Variants in CTNS observed in about 807,000 individuals in gnomAD.
The protein encoded by CTNS is cystinosin.
In CTNS, 27 loss-of-function variants were observed where a neutral mutation model predicts 43.7. The ratio of observed to expected loss-of-function variants is 0.62; its 90% confidence interval spans 0.46 to 0.85. The LOEUF (loss-of-function observed/expected upper bound fraction) is 0.85. Among genes scored for constraint, CTNS ranks in the 40% least tolerant of loss-of-function variants. The probability of loss-of-function intolerance (pLI) is 0.00; values close to 1 mark genes in which losing one functional copy is unlikely to be tolerated. For synonymous variants in CTNS, 187 were observed against 190.6 expected, an observed-to-expected ratio of 0.98 and a Z score of 0.16; for missense variants, 457 against 475.4, an observed-to-expected ratio of 0.96 and a Z score of 0.36.
chr17:3,650,510 T>C (rs950755799), intron 5 of CTNS: 4 of 725,706 alleles, frequency 5.5e-6, no homozygotes, highest in Non-Finnish European at 8.3e-6. Context: ...AATAAAATGT[T>C]TAAAAATAAC....
At chr17:3,647,983 C>T (rs2150905473) in intron 4 of CTNS, among the ~76,000 whole-genome samples, 1 of 152,334 alleles carries the variant, frequency 6.6e-6, no homozygotes, top group East Asian at 1.9e-4. Flanking sequence ...GGGAGTCTCA[C>T]TTGCTGCCAC....
In CTNS at chr17:3,658,323, C is replaced by T. The variant is rs558005365; in HGVS notation, c.852+148C>T. The stretch of plus-strand genomic sequence containing the variant: ...GCCCGGGAGCCCAGCGGGAGCGGGG[C>T]GGTGGGGAGGCCAGCCTGCCGCTCT... On this transcript the variant is annotated intron_variant, in intron 10 of 11. Coordinates refer to ENST00000046640, the MANE Select transcript of CTNS (RefSeq NM_004937.3). 3.1e-5 allele frequency: 34 copies of T among 1,107,436 alleles called. No homozygotes were observed. In the African/African-American group the frequency reaches 3.7e-4, roughly 12 times the overall value. 68.6% of individuals were successfully genotyped at this position (1,107,436 alleles called of 1,614,324 possible). A position where few individuals can be genotyped will look rare whatever the true frequency, so the allele number is the denominator to read the frequency against.
intron 3 of CTNS, among the ~76,000 whole-genome samples, chr17:3,641,896 C>T (rs2150893413): frequency 6.6e-6 from 1 of 152,264 alleles, no homozygotes; most frequent in East Asian, 1.9e-4. Context: ...CCGGGAAAGG[C>T]AGGTCTTTCA....
upstream of CTNS, chr17:3,636,556 C>CA: frequency 1.1e-5 from 3 of 281,120 alleles, no homozygotes; most frequent in Non-Finnish European, 6.7e-6. Context: ...GTGTCCCTGG[C>CA]AGCGGACCTC....
chr17:3,658,291 A>G lies in CTNS; in HGVS notation c.852+116A>G, dbSNP rs568755986. Reference sequence around the variant, plus strand: ...GCGTGAGGAAACAGGACGGAAAGCCACAGGGAGCCCGGGAGCCCAGCGGGA... The same window carrying G: ...GCGTGAGGAAACAGGACGGAAAGCCGCAGGGAGCCCGGGAGCCCAGCGGGA... On this transcript the variant is annotated intron_variant, in intron 10 of 11. Coordinates refer to ENST00000046640, the MANE Select transcript of CTNS (RefSeq NM_004937.3). 105 of 1,405,558 alleles carry G rather than the reference A, an allele frequency of 7.5e-5. No individual in the cohort carries two copies. The South Asian group carries it at 1.0e-3, about 13-fold the overall frequency. The allele number at this position is 1,405,558 out of a possible 1,614,324, so 87.1% of individuals were successfully genotyped here. A position where few individuals can be genotyped will look rare whatever the true frequency, so the allele number is the denominator to read the frequency against.
intron 2 of CTNS, 49 bp from the exon 3 acceptor site, chr17:3,640,139 G>C (rs2075649359): frequency 6.8e-7 from 1 of 1,461,736 alleles, no homozygotes; most frequent in Non-Finnish European, 9.6e-7. Context: ...AGGGAGCTGA[G>C]CTGATTCAAC....
At chr17:3,655,157 G>A (rs917260018) in intron 6 of CTNS, 56 bp downstream of exon 6, 4 of 1,614,122 alleles carry the variant, frequency 2.5e-6, no homozygotes, top group Non-Finnish European at 3.4e-6. Flanking sequence ...GCCGTGCTGG[G>A]CACGTGGGAG....
At chr17:3,642,041 C>CTGTGTGTGTGTGTGTGTGTGTG (rs371619089) in intron 3 of CTNS, among the ~76,000 whole-genome samples, 134 of 143,894 alleles carry the variant, frequency 9.3e-4, no homozygotes, top group Non-Finnish European at 1.4e-3. Context: ...TTGCCTGGGC[C>CTGTGTGTGTGTGTGTGTGTGTG]TGTGTGTGTG....
intron 3 of CTNS, among the ~76,000 whole-genome samples, chr17:3,645,847 G>T (rs948236424): frequency 1.4e-5 from 2 of 144,160 alleles, no homozygotes; most frequent in African/African-American, 2.6e-5. Flanking sequence ...GCAACAAAGC[G>T]AGACTCTGTC....
At chr17:3,649,342 C>G (rs955577033) in intron 5 of CTNS, among the ~76,000 whole-genome samples, 1 of 151,346 alleles carries the variant, frequency 6.6e-6, no homozygotes, top group Non-Finnish European at 1.5e-5. Flanking sequence ...ATCCAAGCCA[C>G]TTGGGAGGCT....
rs1304122651 is a variant in CTNS at position 3,656,789 on chromosome 17, G to A, written c.675G>A (p.Leu225=). The A allele has an allele frequency of 1.9e-6, 3 of 1,613,066 alleles. No individual in the cohort carries two copies. The highest frequency in any genetic ancestry group is 2.2e-5 in the East Asian group (1 of 44,848). Residue 225 remains leucine, a synonymous_variant, in exon 9 of 12, where the codon CTG becomes CTA. Coordinates refer to ENST00000046640, the MANE Select transcript of CTNS (RefSeq NM_004937.3). ...TGATCATCATCGTGCAGTGCTGCCTGTATGAGGTGAGACCAGCCCTGGCCC... is the reference window on the plus strand; with the variant it reads ...TGATCATCATCGTGCAGTGCTGCCTATATGAGGTGAGACCAGCCCTGGCCC... ...LTLIIIVQCC[L]YERGGQRVSW... is the part of the protein sequence containing the mutation.
intron 5 of CTNS, chr17:3,650,348 G>A (rs1176058810): frequency 1.9e-6 from 3 of 1,546,666 alleles, no homozygotes; most frequent in African/African-American, 2.7e-5. Context: ...TGGCTGCAGA[G>A]ATGTGCACCT....
chr17:3,637,528 G>C (rs1271368285), intron 2 of CTNS, among the ~76,000 whole-genome samples: 2 of 151,084 alleles, frequency 1.3e-5, no homozygotes, highest in East Asian at 3.9e-4. Context: ...GTGCAGTGGC[G>C]CGATCTCGGC....
chr17:3,657,840 C>T (rs889366728), intron 9 of CTNS, 165 bp from the exon 10 acceptor site: 23 of 695,928 alleles, frequency 3.3e-5, no homozygotes, highest in African/African-American at 3.2e-4. Flanking sequence ...TCCACATGTT[C>T]CCCTGCCACA....
At chr17:3,643,318 A>T (rs1390692215) in intron 3 of CTNS, among the ~76,000 whole-genome samples, 2 of 152,058 alleles carry the variant, frequency 1.3e-5, no homozygotes, top group Non-Finnish European at 2.9e-5. Flanking sequence ...TGTCTCAAAA[A>T]CAAAAAAAAA....
rs1335011275 is a variant in CTNS at position 3,663,101 on chromosome 17, C to T, written c.*2732C>T. On this transcript the variant is annotated 3_prime_UTR_variant, in exon 12 of 12. Coordinates refer to ENST00000046640, the MANE Select transcript of CTNS (RefSeq NM_004937.3). ...GATTAAAAAAATACAAAAGTTAAAC[C>T]CACAGGCAAAGAGGAAAATGACAAT... The T allele has an allele frequency of 1.3e-5, 2 of 152,218 alleles. No homozygotes were observed. Among genetic ancestry groups the T allele is most frequent in the East Asian group, 3.9e-4 (2 of 5,190 alleles). 9.4% of individuals were successfully genotyped at this position (152,218 alleles called of 1,614,324 possible). A position where few individuals can be genotyped will look rare whatever the true frequency, so the allele number is the denominator to read the frequency against.
At chr17:3,652,195 G>A (rs2076003615) in intron 5 of CTNS, among the ~76,000 whole-genome samples, 1 of 152,176 alleles carries the variant, frequency 6.6e-6, no homozygotes, top group African/African-American at 2.4e-5. Flanking sequence ...CCTTGGGTAA[G>A]GCACTTCACC....
At chr17:3,650,685 C>T (rs2075958476) in intron 5 of CTNS, among the ~76,000 whole-genome samples, 2 of 152,126 alleles carry the variant, frequency 1.3e-5, no homozygotes, top group African/African-American at 4.8e-5. Flanking sequence ...CAGCACAGCC[C>T]TCTGATCCAC....
At position 3,660,501 on chromosome 17, in the gene CTNS, T is replaced by C. The variant is rs1296491859; in HGVS notation, c.*132T>C. ...TCAGTGTGCGGACAGAGGAGACCAC[T>C]CTGCTCCTGGGGCCAGAGGCCATTC... On this transcript the variant is annotated 3_prime_UTR_variant, in exon 12 of 12. Transcript: ENST00000046640. 1 of 1,612,492 alleles carries C rather than the reference T, an allele frequency of 6.2e-7. No homozygotes were observed. Among genetic ancestry groups the C allele is most frequent in the Non-Finnish European group, 8.5e-7 (1 of 1,179,928 alleles).
Sources: gnomAD v4.1 joint callset for allele counts (sites outside exome capture counted in the v4.1 genomes callset) on GRCh38, gnomAD v4.1.1 for gene constraint, MANE v1.5 for transcripts, NCBI Gene and HGNC (gene_info 2026-07-23, HGNC 2026-07-21) for gene names.